The following CPED1 variants were observed in gnomAD, a reference collection of about 807,000 sequenced individuals.
CPED1 encodes the protein cadherin-like and PC-esterase domain-containing protein 1.
A neutral mutation model predicts 128.2 loss-of-function variants in CPED1; 114 were observed. That is an observed-to-expected ratio of 0.89 (90% CI 0.76 to 1.04). The LOEUF is 1.04. Ranked by LOEUF, CPED1 falls within the 50% of genes least tolerant of loss-of-function variation. CPED1 has a pLI of 0.00. For missense variants in CPED1, 1,211 were observed against 1,207.1 expected, an observed-to-expected ratio of 1.00 and a Z score of -0.05; for synonymous variants, 462 against 426.7, an observed-to-expected ratio of 1.08 and a Z score of -1.02.
intron 22 of CPED1, among the ~76,000 whole-genome samples, chr7:121,294,275 A>C (rs1311555734): frequency 6.6e-6 from 1 of 152,154 alleles, no homozygotes; most frequent in Non-Finnish European, 1.5e-5. Context: ...TGAACCATAT[A>C]TTTGGGGAGG....
chr7:121,190,261 A>G (rs1346916722), intron 16 of CPED1, among the ~76,000 whole-genome samples: 2 of 151,974 alleles, frequency 1.3e-5, no homozygotes, highest in Non-Finnish European at 2.9e-5. Context: ...GCAGAACAAC[A>G]GTGAGTGCAA....
rs560032185 is a variant in CPED1 at position 121,038,949 on chromosome 7, G to T, written c.434-7938G>T. Among the ~76,000 whole-genome samples, 5 of 152,170 alleles carry T rather than the reference G, an allele frequency of 3.3e-5. No homozygotes were observed. The South Asian group carries it at 1.0e-3, about 32-fold the overall frequency. ...ACCCACATGACTTAGCTCTGTTCAC[G>T]TTAACCTGATTATCTGACTGAGGTA... On this transcript the variant is annotated intron_variant, in intron 3 of 22. Transcript: ENST00000310396.
chr7:121,160,293 G>T (rs1796384925), intron 16 of CPED1, among the ~76,000 whole-genome samples: 2 of 152,094 alleles, frequency 1.3e-5, no homozygotes, highest in African/African-American at 4.8e-5. Flanking sequence ...CATGAAGGTT[G>T]TATGAGTACA....
chr7:121,255,565 A>G (rs990599463), intron 18 of CPED1, among the ~76,000 whole-genome samples: 32 of 152,084 alleles, frequency 2.1e-4, no homozygotes, highest in African/African-American at 7.5e-4. Flanking sequence ...TTCTAGCCAG[A>G]GCAATCAGGC....
chr7:121,278,870 A>G (rs763798437), intron 22 of CPED1, among the ~76,000 whole-genome samples: 10 of 152,156 alleles, frequency 6.6e-5, no homozygotes, highest in Non-Finnish European at 1.5e-4. Context: ...TTATGACTCC[A>G]TAAGGCAGCT....
At chr7:121,251,654 C>A (rs1798675292) in intron 18 of CPED1, among the ~76,000 whole-genome samples, 1 of 152,176 alleles carries the variant, frequency 6.6e-6, no homozygotes, top group East Asian at 1.9e-4. Flanking sequence ...AAATCACAAA[C>A]ATTCTCGTAC....
intron 18 of CPED1, among the ~76,000 whole-genome samples, chr7:121,257,356 A>C (rs1791910427): frequency 6.6e-6 from 1 of 152,092 alleles, no homozygotes; most frequent in South Asian, 2.1e-4. Context: ...TTGGTTAAGC[A>C]TGAAGAGATA....
At chr7:121,057,222 C>T (rs1375199898) in intron 4 of CPED1, among the ~76,000 whole-genome samples, 4 of 152,172 alleles carry the variant, frequency 2.6e-5, no homozygotes, top group South Asian at 2.1e-4. Context: ...TCTTGATCCA[C>T]CTGCCTCAGC....
chr7:121,214,953 T>C (rs1324259643), intron 16 of CPED1, among the ~76,000 whole-genome samples: 1 of 152,074 alleles, frequency 6.6e-6, no homozygotes, highest in East Asian at 1.9e-4. Context: ...CATTAAGACA[T>C]GTAATGGGAT....
At chr7:121,179,075 A>G (rs1336077042) in intron 16 of CPED1, among the ~76,000 whole-genome samples, 3 of 152,084 alleles carry the variant, frequency 2.0e-5, no homozygotes, top group Non-Finnish European at 2.9e-5. Context: ...TTTGGAAACC[A>G]AAAGTGAAAG....
At chr7:121,168,720 C>T (rs1392333426) in intron 16 of CPED1, among the ~76,000 whole-genome samples, 1 of 152,202 alleles carries the variant, frequency 6.6e-6, no homozygotes, top group Non-Finnish European at 1.5e-5. Context: ...TCCCCCACCT[C>T]TCCTCCAGCG....
rs1794363303 is a variant in CPED1 at position 121,084,145 on chromosome 7, C to T, written c.617-13554C>T. Among the ~76,000 whole-genome samples, 3 of 152,148 alleles carry T rather than the reference C, an allele frequency of 2.0e-5. No homozygotes were observed. In the South Asian group the frequency reaches 6.2e-4, roughly 32 times the overall value. ...TTTGCTATTTTCAGGCTCCTTCCCC[C>T]TAATATCCTGTTACTAACCACTACT... On this transcript the variant is annotated intron_variant, in intron 5 of 22. Transcript: ENST00000310396.
chr7:121,262,700 G>A lies in CPED1; in HGVS notation c.2311-3527G>A, dbSNP rs563028069. On this transcript the variant is annotated intron_variant, in intron 18 of 22. Coordinates refer to ENST00000310396, the MANE Select transcript of CPED1 (RefSeq NM_024913.5). ...ATAATCTAGGCTTTTTAAAACAGAA[G>A]TTCTTCCTCAAAACAAATAATCTGC... Among the ~76,000 whole-genome samples the A allele has an allele frequency of 2.7e-3, 410 of 152,106 alleles. 2 individuals carry two copies. The highest frequency in any genetic ancestry group is 0.017 in the Middle Eastern group (5 of 294).
At chr7:121,038,118 G>C (rs1792950505) in intron 3 of CPED1, among the ~76,000 whole-genome samples, 1 of 151,990 alleles carries the variant, frequency 6.6e-6, no homozygotes, top group Admixed American at 6.6e-5. Context: ...GCCAATTTGG[G>C]TGCCCTTTAT....
rs529856618 is a variant in CPED1 at position 121,078,498 on chromosome 7, GAAAAAAAAAAAAA to G, written c.616+14200_616+14212del. Among the ~76,000 whole-genome samples, 29 of 101,884 alleles carry G rather than the reference GAAAAAAAAAAAAA, an allele frequency of 2.8e-4. 1 individual carries two copies. The South Asian group carries it at 7.0e-3, about 25-fold the overall frequency. 66.8% of individuals were successfully genotyped at this position (101,884 alleles called of 152,430 possible). Reference sequence around the variant, plus strand: ...CTGTCTCTGGAAAGAAAGAAAGAAAGAAAAAAAAAAAAAAAAAAAAAAAAAAAGACTTCTATTA... The same window carrying G: ...CTGTCTCTGGAAAGAAAGAAAGAAAGAAAAAAAAAAAAAAGACTTCTATTA... On this transcript the variant is annotated intron_variant, in intron 5 of 22. Coordinates refer to ENST00000310396, the MANE Select transcript of CPED1 (RefSeq NM_024913.5).
intron 5 of CPED1, among the ~76,000 whole-genome samples, chr7:121,073,325 A>G (rs182969898): frequency 1.2e-4 from 19 of 152,254 alleles, no homozygotes; most frequent in Admixed American, 1.1e-3. Context: ...GAGTAGATTG[A>G]GGAGATGGAA....
At chr7:121,141,589 G>A (rs925844388) in intron 15 of CPED1, among the ~76,000 whole-genome samples, 1 of 151,996 alleles carries the variant, frequency 6.6e-6, no homozygotes, top group African/African-American at 2.4e-5. Flanking sequence ...AGGACAACCC[G>A]GGTTCCAAAC....
chr7:121,241,382 A>AAAAG lies in CPED1; in HGVS notation c.2174-2816_2174-2813dup, dbSNP rs1798390459. On this transcript the variant is annotated intron_variant, in intron 17 of 22. Transcript: ENST00000310396. ...AAAAAAAAAAAAAAAAAAAAAAAAA[A>AAAAG]AAAGAAATTATAAAACAGAATTGGA... is the stretch of plus-strand genomic sequence containing the variant. 1.4e-5 allele frequency among the ~76,000 whole-genome samples: 2 copies of AAAAG among 146,992 alleles called. 1 individual carries two copies. Among genetic ancestry groups the AAAAG allele is most frequent in the Non-Finnish European group, 3.0e-5 (2 of 66,586 alleles).
At chr7:121,019,934 T>C (rs1025022439) in intron 3 of CPED1, among the ~76,000 whole-genome samples, 3 of 151,990 alleles carry the variant, frequency 2.0e-5, no homozygotes, top group African/African-American at 7.2e-5. Flanking sequence ...AAAAGGAAAG[T>C]TTTAATCCTA....
Sources: allele counts gnomAD v4.1 joint callset (sites outside exome capture counted in the v4.1 genomes callset), GRCh38; gene constraint gnomAD v4.1.1; transcripts MANE v1.5; gene names NCBI Gene and HGNC (gene_info 2026-07-23, HGNC 2026-07-21).